Variants in SRARP observed in about 807,000 individuals in gnomAD.
The protein encoded by SRARP is steroid receptor-associated and regulated protein.
Under a neutral mutation model 3.6 loss-of-function variants are expected in SRARP, and 5 were observed. That is an observed-to-expected ratio of 1.39 (90% CI 0.73 to 2.93). The LOEUF is 2.93. Ranked by LOEUF, SRARP falls within the 30% of genes most tolerant of loss-of-function variation. SRARP has a pLI of 0.00. For synonymous variants in SRARP, 96 were observed against 91.6 expected (o/e 1.05, Z -0.27); for missense variants, 215 against 216.7 (o/e 0.99, Z 0.05).
At position 16,006,083 on chromosome 1, in the gene SRARP, G is replaced by A. The variant is rs749888244; in HGVS notation, c.247G>A (p.Val83Met). Residue 83 changes from valine (V) to methionine (M), a missense_variant, in exon 2 of 2, where the codon GTG becomes ATG. Coordinates refer to ENST00000329454, the MANE Select transcript of SRARP (RefSeq NM_178840.4). ...CACCCCACCAATGAAGACCTACATC[G>A]TGTTCTGTGGGGAAAACTGGCCCCA... Reference protein sequence around the residue: ...LVTPPMKTYIVFCGENWPHLT... With the variant: ...LVTPPMKTYIMFCGENWPHLT... 27 of 1,613,822 alleles carry A rather than the reference G, an allele frequency of 1.7e-5. No individual in the cohort carries two copies. The highest frequency in any genetic ancestry group is 4.5e-5 in the East Asian group (2 of 44,890).
chr1:16,006,920 G>C lies in SRARP; in HGVS notation c.*574G>C, dbSNP rs547278950. 1 of 153,272 alleles carries C rather than the reference G, an allele frequency of 6.5e-6. No individual in the cohort carries two copies. Among genetic ancestry groups the C allele is most frequent in the Non-Finnish European group, 1.5e-5 (1 of 68,834 alleles). The allele number at this position is 153,272 out of a possible 1,614,324, so 9.5% of individuals were successfully genotyped here. A position where few individuals can be genotyped will look rare whatever the true frequency, so the allele number is the denominator to read the frequency against. ...AGTGGTCAGAATGCCCCAGCATGACGGGGAGGGGCAACGGGTTTCTTGCTG... is the reference window on the plus strand; with the variant it reads ...AGTGGTCAGAATGCCCCAGCATGACCGGGAGGGGCAACGGGTTTCTTGCTG... On this transcript the variant is annotated 3_prime_UTR_variant, in exon 2 of 2. Transcript: ENST00000329454.
In SRARP at chr1:16,006,377, C is replaced by T; in HGVS notation, c.*31C>T. ...AGGGCCGGGCTCTGATGCCCAGAGG[C>T]TGCAATTCCCAGGGCCTGGCCCTGC... On this transcript the variant is annotated 3_prime_UTR_variant, in exon 2 of 2. Transcript: ENST00000329454. 2 of 1,535,096 alleles carry T rather than the reference C, an allele frequency of 1.3e-6. No individual in the cohort carries two copies. The highest frequency in any genetic ancestry group is 1.8e-6 in the Non-Finnish European group (2 of 1,139,126).
chr1:16,006,037 C>T lies in SRARP; in HGVS notation c.201C>T (p.Pro67=), dbSNP rs749837384. The change falls in exon 2 of 2, where the codon CCC becomes CCT. Residue 67 remains proline (P), a synonymous_variant. Transcript: ENST00000329454. The part of the protein sequence containing the change: ...LAATASPPQA[P]SPNRGLVTPP... ...CAACCGCATCACCACCCCAAGCCCC[C>T]AGTCCCAATCGAGGGCTTGTCACCC... 1 of 1,613,906 alleles carries T rather than the reference C, an allele frequency of 6.2e-7. No homozygotes were observed. Among genetic ancestry groups the T allele is most frequent in the African/African-American group, 1.3e-5 (1 of 74,936 alleles).
rs2073114242 is a variant in SRARP at position 16,004,323 on chromosome 1, C to T, written c.20C>T (p.Pro7Leu). The T allele has an allele frequency of 2.5e-6, 4 of 1,607,378 alleles. No individual in the cohort carries two copies. In the East Asian group the frequency reaches 6.7e-5, roughly 27 times the overall value. Residue 7 changes from proline to leucine, a missense_variant, in exon 1 of 2, where the codon CCC (proline) becomes CTC (leucine). By Grantham distance (98) the Pro-to-Leu change is moderately conservative. Coordinates refer to ENST00000329454, the MANE Select transcript of SRARP (RefSeq NM_178840.4). ...AGCCGCATGGCCCCGTCAGAAGACC[C>T]CAGGGACTGGAGAGCCAACCTCAAA... is the stretch of plus-strand genomic sequence containing the variant. MAPSED[P>L]RDWRANLKGT... is the part of the protein sequence containing the mutation.
In SRARP at chr1:16,006,463, A is replaced by T; in HGVS notation, c.*117A>T. The stretch of plus-strand genomic sequence containing the variant: ...CAAGGAAACATCATTAGATCCGCTA[A>T]GGGGCATCTGAAACATCCGTCGAGT... On this transcript the variant is annotated 3_prime_UTR_variant, in exon 2 of 2. Coordinates refer to ENST00000329454, the MANE Select transcript of SRARP (RefSeq NM_178840.4). 2.6e-6 allele frequency: 3 copies of T among 1,172,364 alleles called. No individual in the cohort carries two copies. The highest frequency in any genetic ancestry group is 1.6e-5 in the South Asian group (1 of 61,120). 72.6% of individuals were successfully genotyped at this position (1,172,364 alleles called of 1,614,324 possible). A position where few individuals can be genotyped will look rare whatever the true frequency, so the allele number is the denominator to read the frequency against.
At chr1:16,004,424 C>A (rs747726743) in intron 1 of SRARP, 39 bp downstream of exon 1, 2 of 1,517,916 alleles carry the variant, frequency 1.3e-6, no homozygotes, top group Non-Finnish European at 1.8e-6. Flanking sequence ...CACAGAAACA[C>A]CAGCTGGGGG....
rs1246493184 is a variant in SRARP at position 16,007,053 on chromosome 1, G to C, written c.*707G>C. On this transcript the variant is annotated 3_prime_UTR_variant, in exon 2 of 2. Coordinates refer to ENST00000329454, the MANE Select transcript of SRARP (RefSeq NM_178840.4). ...GGGGCTGGGAGGCTCAGGGAAGTTG[G>C]CTCCAGGAGACTCCATCCCATAAGG... 6.6e-6 allele frequency: 1 copy of C among 152,220 alleles called. No individual in the cohort carries two copies. Among genetic ancestry groups the C allele is most frequent in the Non-Finnish European group, 1.5e-5 (1 of 68,064 alleles). 9.4% of individuals were successfully genotyped at this position (152,220 alleles called of 1,614,324 possible).
Position 16,006,641 on chromosome 1 carries a change from CACCCTGAATAAATAAAGTA to C in SRARP, c.*300_*318del, listed in dbSNP as rs1355370942. The C allele has an allele frequency of 2.8e-6, 1 of 354,610 alleles. No homozygotes were observed. The highest frequency in any genetic ancestry group is 5.1e-6 in the Non-Finnish European group (1 of 197,556). The allele number at this position is 354,610 out of a possible 1,614,324, so 22.0% of individuals were successfully genotyped here. On this transcript the variant is annotated 3_prime_UTR_variant, in exon 2 of 2. Coordinates refer to ENST00000329454, the MANE Select transcript of SRARP (RefSeq NM_178840.4). ...TGGTATTTTTGGGGTGGAGGGAACCCACCCTGAATAAATAAAGTAACCCAATAAATAAAGAAGATGATTT... is the reference window on the plus strand; with the variant it reads ...TGGTATTTTTGGGGTGGAGGGAACCCACCCAATAAATAAAGAAGATGATTT...
rs2073127308 is a variant in SRARP, at chr1:16,006,182, T to C, written c.346T>C (p.Ser116Pro). The C allele has an allele frequency of 2.5e-6, 4 of 1,613,844 alleles. No individual in the cohort carries two copies. The highest frequency in any genetic ancestry group is 1.3e-5 in the African/African-American group (1 of 75,042). Residue 116 changes from serine (S) to proline (P), a missense_variant, in exon 2 of 2, where the codon TCT becomes CCT. By Grantham distance (74) the Ser-to-Pro change is moderately conservative (BLOSUM62 -1). Transcript: ENST00000329454. ...ARATLPLCRG[S>P]VASASFPVSP... ...GGCCACCCTGCCGCTCTGCAGAGGG[T>C]CTGTGGCCTCAGCTTCCTTCCCAGT...
At chr1:16,005,152 G>A (rs570314120) in intron 1 of SRARP, among the ~76,000 whole-genome samples, 1 of 152,282 alleles carries the variant, frequency 6.6e-6, no homozygotes, top group Non-Finnish European at 1.5e-5. Context: ...GTAGCAAGAT[G>A]CTCCCTGAGA....
In SRARP at chr1:16,006,163, C is replaced by T. The variant is rs751344186; in HGVS notation, c.327C>T (p.Thr109=). ...GGGCLAQARA[T]LPLCRGSVAS... is the part of the protein sequence containing the mutation. The stretch of plus-strand genomic sequence containing the variant: ...GATGCCTTGCCCAGGCCAGGGCCAC[C>T]CTGCCGCTCTGCAGAGGGTCTGTGG... Residue 109 remains threonine, a synonymous_variant, in exon 2 of 2, where the codon ACC becomes ACT. Transcript: ENST00000329454. 1.2e-6 allele frequency: 2 copies of T among 1,613,792 alleles called. No individual in the cohort carries two copies. Among genetic ancestry groups the T allele is most frequent in the African/African-American group, 1.3e-5 (1 of 74,962 alleles).
At position 16,004,713 on chromosome 1, in the gene SRARP, CAAAAAAAAA is replaced by C. The variant is rs1190178584; in HGVS notation, c.82+344_82+352del. ...TGAGCAACAGTGTGAGACTCCATCT[CAAAAAAAAA>C]AAAAAAAAAAAAAAAGCAAGACCAG... is the stretch of plus-strand genomic sequence containing the variant. On this transcript the variant is annotated intron_variant, in intron 1 of 1. Transcript: ENST00000329454. Among the ~76,000 whole-genome samples, 4 of 31,644 alleles carry C rather than the reference CAAAAAAAAA, an allele frequency of 1.3e-4. No homozygotes were observed. In the East Asian group the frequency reaches 4.3e-3, roughly 34 times the overall value. 20.8% of individuals were successfully genotyped at this position (31,644 alleles called of 152,430 possible). A position where few individuals can be genotyped will look rare whatever the true frequency, so the allele number is the denominator to read the frequency against.
In SRARP at chr1:16,005,947, C is replaced by T. The variant is rs765059210; in HGVS notation, c.111C>T (p.Thr37=). Residue 37 remains threonine, a synonymous_variant, in exon 2 of 2, where the codon ACC becomes ACT. Transcript: ENST00000329454. ...SGGKLAGHQK[T]VPTAHLTFVI... is the part of the protein sequence containing the mutation. ...GGAAGCTGGCTGGCCATCAGAAGAC[C>T]GTCCCCACGGCTCACCTGACTTTTG... 27 of 1,592,760 alleles carry T rather than the reference C, an allele frequency of 1.7e-5. No homozygotes were observed. In the East Asian group the frequency reaches 2.2e-4, roughly 13 times the overall value.
rs756871531 is a variant in SRARP, at chr1:16,006,028, C to T, written c.192C>T (p.Pro64=). The part of the protein sequence containing the change: ...QLSLAATASP[P]QAPSPNRGLV... ...CCCTGGCAGCAACCGCATCACCACC[C>T]CAAGCCCCCAGTCCCAATCGAGGGC... Residue 64 remains proline, a synonymous_variant, in exon 2 of 2, where the codon CCC becomes CCT. Coordinates refer to ENST00000329454, the MANE Select transcript of SRARP (RefSeq NM_178840.4). The T allele has an allele frequency of 1.1e-5, 18 of 1,613,864 alleles. No homozygotes were observed. The East Asian group carries it at 4.0e-4, about 36-fold the overall frequency.
In SRARP at chr1:16,006,386, C is replaced by T. The variant is rs755149241; in HGVS notation, c.*40C>T. On this transcript the variant is annotated 3_prime_UTR_variant, in exon 2 of 2. Transcript: ENST00000329454. ...CTCTGATGCCCAGAGGCTGCAATTC[C>T]CAGGGCCTGGCCCTGCTTCCCCAGC... 11 of 1,522,180 alleles carry T rather than the reference C, an allele frequency of 7.2e-6. No individual in the cohort carries two copies. Among genetic ancestry groups the T allele is most frequent in the African/African-American group, 1.4e-5 (1 of 69,804 alleles). 94.3% of individuals were successfully genotyped at this position (1,522,180 alleles called of 1,614,324 possible).
Position 16,006,416 on chromosome 1 carries a change from C to T in SRARP, c.*70C>T. On this transcript the variant is annotated 3_prime_UTR_variant, in exon 2 of 2. Coordinates refer to ENST00000329454, the MANE Select transcript of SRARP (RefSeq NM_178840.4). Reference sequence around the variant, plus strand: ...GCCTGGCCCTGCTTCCCCAGCTAAGCAGGAGTCTTTTGTGCTTGAGCCAAG... The same window carrying T: ...GCCTGGCCCTGCTTCCCCAGCTAAGTAGGAGTCTTTTGTGCTTGAGCCAAG... 2.8e-6 allele frequency: 4 copies of T among 1,444,204 alleles called. No homozygotes were observed. The highest frequency in any genetic ancestry group is 3.7e-6 in the Non-Finnish European group (4 of 1,073,172). 89.5% of individuals were successfully genotyped at this position (1,444,204 alleles called of 1,614,324 possible).
chr1:16,005,193 G>A (rs535633480), intron 1 of SRARP, among the ~76,000 whole-genome samples: 1 of 152,302 alleles, frequency 6.6e-6, no homozygotes, highest in East Asian at 1.9e-4. Context: ...CTGAGCCTCA[G>A]TTTCCTCACC....
rs1021730390 is a variant in SRARP, at chr1:16,008,519, G to A, written c.*2173G>A. 19 of 152,334 alleles carry A rather than the reference G, an allele frequency of 1.2e-4. No individual in the cohort carries two copies. The highest frequency in any genetic ancestry group is 1.4e-4 in the African/African-American group (6 of 41,418). The allele number at this position is 152,334 out of a possible 1,614,324, so 9.4% of individuals were successfully genotyped here. On this transcript the variant is annotated 3_prime_UTR_variant, in exon 2 of 2. Transcript: ENST00000329454. ...TCAGAAAGGTGGCAGGAGGCCAGGC[G>A]CGGTGGCTCATGCCTGTAATCCCAG...
chr1:16,005,454 T>C (rs2073121897), intron 1 of SRARP, among the ~76,000 whole-genome samples: 1 of 152,200 alleles, frequency 6.6e-6, no homozygotes, highest in Non-Finnish European at 1.5e-5. Context: ...GGATGGTAAG[T>C]GGAGACTTGA....
Sources: allele counts gnomAD v4.1 joint callset (sites outside exome capture counted in the v4.1 genomes callset), GRCh38; gene constraint gnomAD v4.1.1; transcripts MANE v1.5; gene names NCBI Gene and HGNC (gene_info 2026-07-23, HGNC 2026-07-21).